PHF14: variants seen among roughly 807,000 people sequenced by gnomAD.
PHF14 encodes PHD finger protein 14.
A neutral mutation model predicts 117.9 loss-of-function variants in PHF14; 55 were observed. That is an observed-to-expected ratio of 0.47 (90% CI 0.38 to 0.58). The LOEUF (loss-of-function observed/expected upper bound fraction) is 0.58, where lower values mean the gene tolerates loss of function less well. Ranked by LOEUF, PHF14 falls within the 20% of genes least tolerant of loss-of-function variation. The pLI is 0.00. For synonymous variants in PHF14, 409 were observed against 368.6 expected (o/e 1.11, Z -1.26); for missense variants, 978 against 1,122.2 (o/e 0.87, Z 1.84).
At chr7:10,995,255 G>T (rs1282978718) in intron 4 of PHF14, among the ~76,000 whole-genome samples, 2 of 151,622 alleles carry the variant, frequency 1.3e-5, no homozygotes, top group African/African-American at 4.9e-5. Flanking sequence ...GTGCTGATTG[G>T]TATATTTACA....
chr7:11,127,398 C>G (rs1053177145), intron 17 of PHF14, among the ~76,000 whole-genome samples: 1 of 152,056 alleles, frequency 6.6e-6, no homozygotes, highest in Non-Finnish European at 1.5e-5. Flanking sequence ...CCAACGCTGT[C>G]CTCTTTGGCT....
rs563741489 is a variant in PHF14 at position 11,022,419 on chromosome 7, T to C, written c.1206-449T>C. Reference sequence around the variant, plus strand: ...TTTTGGAAAAGAGTAATAAGAGAAATTTTACCTAATTACTGCAGAGTAAAT... The same window carrying C: ...TTTTGGAAAAGAGTAATAAGAGAAACTTTACCTAATTACTGCAGAGTAAAT... On this transcript the variant is annotated intron_variant, in intron 5 of 17. Transcript: ENST00000634607. Among the ~76,000 whole-genome samples the C allele has an allele frequency of 1.2e-4, 18 of 152,262 alleles. 1 individual carries two copies. The East Asian group carries it at 3.5e-3, about 29-fold the overall frequency.
At chr7:10,995,186 C>T (rs1370773324) in intron 4 of PHF14, among the ~76,000 whole-genome samples, 1 of 152,086 alleles carries the variant, frequency 6.6e-6, no homozygotes, top group Non-Finnish European at 1.5e-5. Flanking sequence ...GGTGTATTTA[C>T]AATCCCTTAG....
At chr7:10,996,204 T>C (rs1782640652) in intron 4 of PHF14, among the ~76,000 whole-genome samples, 1 of 152,222 alleles carries the variant, frequency 6.6e-6, no homozygotes, top group Admixed American at 6.5e-5. Context: ...CTGAAGTGAA[T>C]CTAAGGTGGG....
chr7:11,156,216 G>C (rs576342827), intron 17 of PHF14, among the ~76,000 whole-genome samples: 1 of 152,162 alleles, frequency 6.6e-6, no homozygotes, highest in South Asian at 2.1e-4. Flanking sequence ...AATGAAAATA[G>C]GGACGTTATT....
intron 17 of PHF14, among the ~76,000 whole-genome samples, chr7:11,146,695 C>G (rs1371388704): frequency 6.6e-6 from 1 of 152,106 alleles, no homozygotes; most frequent in African/African-American, 2.4e-5. Flanking sequence ...TGAGATTTTC[C>G]TTTCATACAT....
At chr7:11,030,641 G>A (rs1199409898) in intron 7 of PHF14, among the ~76,000 whole-genome samples, 1 of 152,082 alleles carries the variant, frequency 6.6e-6, no homozygotes, top group Non-Finnish European at 1.5e-5. Context: ...GCTAATTTGA[G>A]GAAATTTACA....
At chr7:11,099,626 T>A (rs1487902051) in intron 16 of PHF14, among the ~76,000 whole-genome samples, 4 of 152,114 alleles carry the variant, frequency 2.6e-5, no homozygotes, top group Admixed American at 6.6e-5. Context: ...GGATTATATG[T>A]TATATACTTA....
chr7:10,980,070 A>T (rs1476103368), intron 2 of PHF14, among the ~76,000 whole-genome samples: 5 of 152,166 alleles, frequency 3.3e-5, no homozygotes, highest in Non-Finnish European at 7.4e-5. Context: ...TAATTAATTA[A>T]TTGGCATTGG....
chr7:11,075,628 C>G (rs1785818535), intron 16 of PHF14, among the ~76,000 whole-genome samples: 1 of 146,904 alleles, frequency 6.8e-6, no homozygotes, highest in Non-Finnish European at 1.5e-5. Flanking sequence ...TTCCCATGAC[C>G]CAAACACCTC....
intron 16 of PHF14, chr7:11,105,682 A>T: frequency 1.0e-6 from 1 of 984,128 alleles, no homozygotes; most frequent in Non-Finnish European, 1.2e-6. Flanking sequence ...TAAGATAGGC[A>T]TGCTTTGCAA....
chr7:11,148,106 G>C (rs6972232), intron 17 of PHF14, among the ~76,000 whole-genome samples: 3,148 of 152,180 alleles, frequency 0.021, 104 homozygotes, highest in African/African-American at 0.072. Flanking sequence ...AGTACTCCAA[G>C]TTACCATCAT....
intron 5 of PHF14, among the ~76,000 whole-genome samples, chr7:11,015,583 A>G (rs1451653690): frequency 6.6e-6 from 1 of 151,832 alleles, no homozygotes; most frequent in African/African-American, 2.4e-5. Flanking sequence ...TTTTTTTTTA[A>G]TAGCTATAAT....
At position 11,036,692 on chromosome 7, in the gene PHF14, A is replaced by G; in HGVS notation, c.1873+4A>G. 6.2e-7 allele frequency: 1 copy of G among 1,612,306 alleles called. No homozygotes were observed. Among genetic ancestry groups the G allele is most frequent in the Non-Finnish European group, 8.5e-7 (1 of 1,178,686 alleles). On this transcript the variant is annotated splice_donor_region_variant and intron_variant, in intron 9 of 17. Coordinates refer to ENST00000634607, the MANE Select transcript of PHF14 (RefSeq NM_001007157.2). ...GATTTTGTGAATTATTATTTTGGTC[A>G]GTATAGACACTGGTACATGCACATT...
At position 11,040,743 on chromosome 7, in the gene PHF14, A is replaced by G. The variant is rs577019568; in HGVS notation, c.2148A>G (p.Gln716=). Residue 716 remains glutamine, a synonymous_variant, in exon 12 of 18, where the codon CAA becomes CAG. Transcript: ENST00000634607. ...RKPSKKEGGT[Q]KTSTLPAVLY... ...CAAGTAAAAAAGAAGGAGGCACACA[A>G]AAGACATCTACTCTTCCTGCAGTAC... 153 of 1,562,602 alleles carry G rather than the reference A, an allele frequency of 9.8e-5. 2 individuals are homozygous for G. In the South Asian group the frequency reaches 1.7e-3, roughly 17 times the overall value.
In PHF14 at chr7:11,036,712, C is replaced by G. The variant is rs182827276; in HGVS notation, c.1873+24C>G. 1.1e-5 allele frequency: 18 copies of G among 1,583,682 alleles called. No homozygotes were observed. In the African/African-American group the frequency reaches 2.0e-4, roughly 18 times the overall value. On this transcript the variant is annotated intron_variant, in intron 9 of 17. Transcript: ENST00000634607. ...TGGTCAGTATAGACACTGGTACATG[C>G]ACATTTTCACTGAGAACAATTTGTT...
chr7:11,028,307 G>A (rs76029462), intron 6 of PHF14, among the ~76,000 whole-genome samples: 2,123 of 152,222 alleles, frequency 0.014, 49 homozygotes, highest in East Asian at 0.1. Context: ...TCTGCTGAGC[G>A]TGTATTGTTT....
At chr7:11,123,047 C>T (rs1183311092) in intron 17 of PHF14, among the ~76,000 whole-genome samples, 3 of 152,254 alleles carry the variant, frequency 2.0e-5, no homozygotes, top group Non-Finnish European at 2.9e-5. Flanking sequence ...TTCTCTCCTG[C>T]GTTTGCCTTT....
chr7:11,128,171 A>T (rs113735022), intron 17 of PHF14, among the ~76,000 whole-genome samples: 14 of 152,182 alleles, frequency 9.2e-5, no homozygotes, highest in African/African-American at 3.1e-4. Flanking sequence ...CATGCCTTCT[A>T]ATTTAAACCA....
Sources: allele counts gnomAD v4.1 joint callset (sites outside exome capture counted in the v4.1 genomes callset), GRCh38; gene constraint gnomAD v4.1.1; transcripts MANE v1.5; gene names NCBI Gene and HGNC (gene_info 2026-07-23, HGNC 2026-07-21).